POLR3B: variants seen among roughly 807,000 people sequenced by gnomAD.
POLR3B encodes the protein RNA polymerase III subunit B, also known as DNA-directed RNA polymerase III subunit RPC2.
Under a neutral mutation model 147.4 loss-of-function variants are expected in POLR3B, and 96 were observed. That is an observed-to-expected ratio of 0.65 (90% CI 0.55 to 0.77). The LOEUF is 0.77. POLR3B is among the 30% of genes least tolerant of loss of function. The probability of loss-of-function intolerance (pLI) is 0.00; values close to 1 mark genes in which losing one functional copy is unlikely to be tolerated. For synonymous variants in POLR3B, 461 were observed against 485.9 expected (o/e 0.95, Z 0.67); for missense variants, 1,036 against 1,413.5 (o/e 0.73, Z 4.28).
intron 23 of POLR3B, among the ~76,000 whole-genome samples, chr12:106,478,099 G>T (rs1024964334): frequency 6.6e-6 from 1 of 151,630 alleles, no homozygotes; most frequent in South Asian, 2.1e-4. Flanking sequence ...TAGAGATGGA[G>T]TTTCACCATA....
rs12300331 is a variant in POLR3B, at chr12:106,379,708, T to C, written c.615-323T>C. ...TTAAGGCCCATATATAAAATTGGCCTTGTATATATGCTCTACACTGGATCA... is the reference window on the plus strand; with the variant it reads ...TTAAGGCCCATATATAAAATTGGCCCTGTATATATGCTCTACACTGGATCA... On this transcript the variant is annotated intron_variant, in intron 8 of 27. Coordinates refer to ENST00000228347, the MANE Select transcript of POLR3B (RefSeq NM_018082.6). 0.094 allele frequency among the ~76,000 whole-genome samples: 14,363 copies of C among 152,272 alleles called. 743 individuals carry two copies. The highest frequency in any genetic ancestry group is 0.14 in the Middle Eastern group (41 of 294).
Position 106,509,795 on chromosome 12 carries a change from T to A in POLR3B, c.*246T>A, listed in dbSNP as rs2038747060. The A allele has an allele frequency of 2.3e-6, 1 of 436,308 alleles. No individual in the cohort carries two copies. The highest frequency in any genetic ancestry group is 3.4e-5 in the Admixed American group (1 of 29,058). 27.0% of individuals were successfully genotyped at this position (436,308 alleles called of 1,614,324 possible). A position where few individuals can be genotyped will look rare whatever the true frequency, so the allele number is the denominator to read the frequency against. On this transcript the variant is annotated 3_prime_UTR_variant, in exon 28 of 28. Transcript: ENST00000228347. ...ACTGCAAGGCTGCTTGATTCACAGA[T>A]GGATGTGACCTAAAGGATAAATAAG...
At chr12:106,425,248 T>C (rs1295106004) in intron 12 of POLR3B, among the ~76,000 whole-genome samples, 3 of 152,304 alleles carry the variant, frequency 2.0e-5, no homozygotes, top group Non-Finnish European at 4.4e-5. Context: ...TGGCCCCTGC[T>C]GTGTATCAGT....
intron 10 of POLR3B, among the ~76,000 whole-genome samples, chr12:106,397,313 T>C (rs1206509389): frequency 6.6e-6 from 1 of 152,206 alleles, no homozygotes; most frequent in Non-Finnish European, 1.5e-5. Flanking sequence ...TAAGTAAATT[T>C]ATGTACACTA....
intron 12 of POLR3B, among the ~76,000 whole-genome samples, chr12:106,416,645 A>G (rs1186635084): frequency 6.6e-6 from 1 of 152,154 alleles, no homozygotes; most frequent in Non-Finnish European, 1.5e-5. Context: ...AAAACAGATA[A>G]AAGTTGAGCC....
intron 10 of POLR3B, among the ~76,000 whole-genome samples, chr12:106,403,649 T>G (rs530264006): frequency 2.6e-4 from 40 of 152,224 alleles, no homozygotes. Flanking sequence ...GATGAATTCA[T>G]GTCCTTTGTA....
intron 12 of POLR3B, among the ~76,000 whole-genome samples, chr12:106,425,451 G>A (rs1275127449): frequency 2.0e-5 from 3 of 152,198 alleles, no homozygotes; most frequent in African/African-American, 4.8e-5. Flanking sequence ...GGGACAGACA[G>A]CTTTTGCTTC....
At chr12:106,427,101 A>C (rs1282450350) in intron 12 of POLR3B, 96 bp from the exon 13 acceptor site, 8 of 825,432 alleles carry the variant, frequency 9.7e-6, no homozygotes, top group Non-Finnish European at 1.5e-5. Context: ...CAGTTTCTCC[A>C]TCTTATTTTT....
At position 106,433,924 on chromosome 12, in the gene POLR3B, T is replaced by A. The variant is rs902792498; in HGVS notation, c.1781+52T>A. The stretch of plus-strand genomic sequence containing the variant: ...TTTTTAAGAATCTCTTTATATTTGC[T>A]CTTGAAAGAAATAGACTTGTTTTTA... On this transcript the variant is annotated intron_variant, in intron 16 of 27. Coordinates refer to ENST00000228347, the MANE Select transcript of POLR3B (RefSeq NM_018082.6). 29 of 1,448,692 alleles carry A rather than the reference T, an allele frequency of 2.0e-5. No individual in the cohort carries two copies. The Admixed American group carries it at 3.1e-4, about 15-fold the overall frequency. The allele number at this position is 1,448,692 out of a possible 1,614,324, so 89.7% of individuals were successfully genotyped here.
chr12:106,498,676 G>A (rs929728205), intron 25 of POLR3B, among the ~76,000 whole-genome samples: 2 of 151,046 alleles, frequency 1.3e-5, no homozygotes, highest in Admixed American at 6.6e-5. Flanking sequence ...CTGCTTCCCG[G>A]GGGGGTTCAA....
chr12:106,466,598 G>A (rs1012290215), intron 23 of POLR3B, among the ~76,000 whole-genome samples: 13 of 152,112 alleles, frequency 8.5e-5, no homozygotes, highest in African/African-American at 3.1e-4. Context: ...TTATGTTTAG[G>A]TCTTTCATCC....
In POLR3B at chr12:106,497,033, G is replaced by A. The variant is rs147471727; in HGVS notation, c.2984+115G>A. The A allele has an allele frequency of 1.7e-3, 1,764 of 1,041,308 alleles. 14 individuals carry two copies. In the African/African-American group the frequency reaches 0.024, roughly 14 times the overall value. The allele number at this position is 1,041,308 out of a possible 1,614,324, so 64.5% of individuals were successfully genotyped here. The stretch of plus-strand genomic sequence containing the variant: ...ACCTTCAGGCAAGCTTGTACAGCCC[G>A]TGGGCGGCATGTGGCCCAGGACGGC... On this transcript the variant is annotated intron_variant, in intron 25 of 27. Transcript: ENST00000228347.
intron 19 of POLR3B, among the ~76,000 whole-genome samples, chr12:106,448,758 A>G (rs969847967): frequency 1.3e-5 from 2 of 151,772 alleles, no homozygotes; most frequent in South Asian, 2.1e-4. Flanking sequence ...TTTAATTACA[A>G]TAATAATCCT....
chr12:106,467,744 AT>A (rs1187587227), intron 23 of POLR3B, among the ~76,000 whole-genome samples: 2 of 152,018 alleles, frequency 1.3e-5, no homozygotes, highest in African/African-American at 4.8e-5. Context: ...TGTTTATGTG[AT>A]GGGTTATGTT....
intron 27 of POLR3B, chr12:106,507,556 T>A (rs2038708613): frequency 3.7e-6 from 1 of 268,968 alleles, no homozygotes; most frequent in South Asian, 3.7e-5. Flanking sequence ...CCAAGCACAT[T>A]AAAAACGTAA....
intron 9 of POLR3B, among the ~76,000 whole-genome samples, chr12:106,382,393 T>G (rs1253504441): frequency 6.6e-6 from 1 of 152,244 alleles, no homozygotes; most frequent in Non-Finnish European, 1.5e-5. Flanking sequence ...ACAGATATTC[T>G]TATTGGCATC....
intron 7 of POLR3B, among the ~76,000 whole-genome samples, chr12:106,377,110 A>T (rs974409578): frequency 1.3e-5 from 2 of 152,210 alleles, no homozygotes; most frequent in Admixed American, 6.5e-5. Context: ...CAAGTATCAC[A>T]CTTCAGGGTG....
At chr12:106,495,930 A>G in intron 23 of POLR3B, 125 bp from the exon 24 acceptor site, 2 of 774,456 alleles carry the variant, frequency 2.6e-6, no homozygotes, top group East Asian at 4.9e-5. Flanking sequence ...TGCTCTTGAT[A>G]GAGGCCATGG....
intron 22 of POLR3B, among the ~76,000 whole-genome samples, chr12:106,460,480 C>T (rs951228584): frequency 9.2e-5 from 14 of 152,124 alleles, no homozygotes; most frequent in Non-Finnish European, 1.5e-4. Context: ...GGCTTCAGAG[C>T]GCTTCTCTTG....
Sources: allele counts gnomAD v4.1 joint callset (sites outside exome capture counted in the v4.1 genomes callset), GRCh38; gene constraint gnomAD v4.1.1; transcripts MANE v1.5; gene names NCBI Gene and HGNC (gene_info 2026-07-23, HGNC 2026-07-21).